The following DGKB variants were observed in gnomAD, a reference collection of about 807,000 sequenced individuals.
DGKB encodes diacylglycerol kinase beta.
Under a neutral mutation model 114.3 loss-of-function variants are expected in DGKB, and 67 were observed. The ratio of observed to expected loss-of-function variants is 0.59; its 90% CI spans 0.48 to 0.72. DGKB has a LOEUF of 0.72. Ranked by LOEUF, DGKB falls within the 30% of genes least tolerant of loss-of-function variation. DGKB has a pLI of 0.00. For missense variants in DGKB, 907 were observed against 975.2 expected, an observed-to-expected ratio of 0.93 and a Z score of 0.93; for synonymous variants, 398 against 323.1, an observed-to-expected ratio of 1.23 and a Z score of -2.49.
chr7:14,902,036 T>C (rs1414645951), intron 1 of DGKB, among the ~76,000 whole-genome samples: 1 of 152,074 alleles, frequency 6.6e-6, no homozygotes, highest in Non-Finnish European at 1.5e-5. Flanking sequence ...TGAAGAGTAT[T>C]TGAATGTTTA....
intron 1 of DGKB, among the ~76,000 whole-genome samples, chr7:14,868,733 G>A (rs1195378430): frequency 1.3e-5 from 2 of 151,964 alleles, no homozygotes; most frequent in African/African-American, 4.8e-5. Flanking sequence ...TTCCTCTTTA[G>A]AAATGGAAGA....
At chr7:14,927,885 T>C (rs751451535) in intron 1 of DGKB, among the ~76,000 whole-genome samples, 2 of 151,894 alleles carry the variant, frequency 1.3e-5, no homozygotes, top group Non-Finnish European at 2.9e-5. Context: ...GATTTTGAGA[T>C]CTCAGTTAAG....
chr7:14,951,026 T>C (rs1358310259), intron 1 of DGKB, among the ~76,000 whole-genome samples: 1 of 151,930 alleles, frequency 6.6e-6, no homozygotes, highest in East Asian at 1.9e-4. Flanking sequence ...GTAAAAACAT[T>C]AGACAAAATT....
intron 20 of DGKB, among the ~76,000 whole-genome samples, chr7:14,489,887 T>C (rs1784367456): frequency 6.6e-6 from 1 of 152,046 alleles, no homozygotes; most frequent in African/African-American, 2.4e-5. Flanking sequence ...AAGCCTGCAA[T>C]TGAGGCTAAG....
rs549499399 is a variant in DGKB, at chr7:14,233,422, C to A, written c.2123-55271G>T. Among the ~76,000 whole-genome samples, 5 of 152,052 alleles carry A rather than the reference C, an allele frequency of 3.3e-5. No homozygotes were observed. The South Asian group carries it at 1.0e-3, about 32-fold the overall frequency. ...TTCATGCCAGTGTCCTTTGTTCTTG[C>A]CTATAAATTGAGTCCCAGAATTTCC... On this transcript the variant is annotated intron_variant, in intron 23 of 25. Transcript: ENST00000402815.
intron 25 of DGKB, among the ~76,000 whole-genome samples, chr7:14,167,493 T>TA (rs202104949): frequency 9.2e-4 from 138 of 149,204 alleles, no homozygotes; most frequent in Middle Eastern, 3.5e-3. Flanking sequence ...GCCCTGGGAG[T>TA]AAAAAAAAAA....
chr7:14,233,922 A>C (rs1792326712), intron 23 of DGKB, among the ~76,000 whole-genome samples: 1 of 151,364 alleles, frequency 6.6e-6, no homozygotes, highest in Admixed American at 6.8e-5. Context: ...CACTTAACTA[A>C]ACAAAGGCCT....
At chr7:14,765,882 A>T (rs185940266) in intron 2 of DGKB, among the ~76,000 whole-genome samples, 18 of 151,982 alleles carry the variant, frequency 1.2e-4, no homozygotes, top group Admixed American at 1.1e-3. Flanking sequence ...ACTCTTTGGG[A>T]TGTGAAGGGT....
At chr7:14,709,637 T>TA (rs894417032) in intron 6 of DGKB, among the ~76,000 whole-genome samples, 1 of 145,286 alleles carries the variant, frequency 6.9e-6, no homozygotes, top group Non-Finnish European at 1.5e-5. Context: ...TATGCAGCCA[T>TA]AAAAAATGAT....
intron 9 of DGKB, among the ~76,000 whole-genome samples, chr7:14,693,550 G>A (rs548675912): frequency 1.3e-5 from 2 of 151,094 alleles, no homozygotes; most frequent in Non-Finnish European, 2.9e-5. Flanking sequence ...GTTTATTTAA[G>A]TTGGTGCAAA....
rs1026680616 is a variant in DGKB at position 14,525,790 on chromosome 7, G to T, written c.1771-47565C>A. On this transcript the variant is annotated intron_variant, in intron 20 of 25. Coordinates refer to ENST00000402815, the MANE Select transcript of DGKB (RefSeq NM_001350709.2). ...TTGGTCTTTTTTATTATTTGTTCGGGTAACTAGAAATTCAAAATATTTTCC... is the reference window on the plus strand; with the variant it reads ...TTGGTCTTTTTTATTATTTGTTCGGTTAACTAGAAATTCAAAATATTTTCC... Among the ~76,000 whole-genome samples the T allele has an allele frequency of 1.3e-5, 2 of 152,174 alleles. 1 individual carries two copies. Among genetic ancestry groups the T allele is most frequent in the East Asian group, 3.9e-4 (2 of 5,172 alleles).
chr7:14,229,242 A>G (rs1210464282), intron 23 of DGKB, among the ~76,000 whole-genome samples: 2 of 151,996 alleles, frequency 1.3e-5, no homozygotes, highest in South Asian at 2.1e-4. Flanking sequence ...ACAGTAATGC[A>G]TTGCTCAACA....
intron 21 of DGKB, among the ~76,000 whole-genome samples, chr7:14,424,219 T>C (rs1827161161): frequency 6.6e-6 from 1 of 152,074 alleles, no homozygotes; most frequent in African/African-American, 2.4e-5. Context: ...CTGCTCTTTT[T>C]CTGTCCTCAT....
At chr7:14,902,000 G>A (rs988583408) in intron 1 of DGKB, among the ~76,000 whole-genome samples, 3 of 152,124 alleles carry the variant, frequency 2.0e-5, no homozygotes, top group African/African-American at 7.2e-5. Context: ...GGAAGAAACT[G>A]AGGGGACCCT....
At chr7:14,799,202 C>A (rs1201925641) in intron 2 of DGKB, among the ~76,000 whole-genome samples, 1 of 152,186 alleles carries the variant, frequency 6.6e-6, no homozygotes. Flanking sequence ...AGCTGTTAAT[C>A]TGACAAAGGC....
At chr7:14,368,231 C>T (rs1817026853) in intron 21 of DGKB, among the ~76,000 whole-genome samples, 1 of 151,816 alleles carries the variant, frequency 6.6e-6, no homozygotes, top group African/African-American at 2.4e-5. Flanking sequence ...ATAATTATCA[C>T]CCCAAATCCA....
intron 21 of DGKB, among the ~76,000 whole-genome samples, chr7:14,367,087 G>A (rs990803501): frequency 6.6e-6 from 1 of 152,026 alleles, no homozygotes; most frequent in Non-Finnish European, 1.5e-5. Flanking sequence ...ACTCTCTTGC[G>A]ATGCCAGGCA....
rs550318562 is a variant in DGKB at position 14,710,627 on chromosome 7, G to T, written c.466+7915C>A. The stretch of plus-strand genomic sequence containing the variant: ...CTCTTAAATATAAAGTTTGATGGGT[G>T]TTTCTTATATATACACATTATTAGA... On this transcript the variant is annotated intron_variant, in intron 6 of 25. Coordinates refer to ENST00000402815, the MANE Select transcript of DGKB (RefSeq NM_001350709.2). Among the ~76,000 whole-genome samples, 51 of 152,102 alleles carry T rather than the reference G, an allele frequency of 3.4e-4. No individual in the cohort carries two copies. In the East Asian group the frequency reaches 5.6e-3, roughly 17 times the overall value.
At chr7:14,249,777 C>G (rs1366648282) in intron 23 of DGKB, among the ~76,000 whole-genome samples, 1 of 151,690 alleles carries the variant, frequency 6.6e-6, no homozygotes, top group African/African-American at 2.4e-5. Flanking sequence ...TCCAAAACAC[C>G]AACTCATAAT....
Sources: gnomAD v4.1 joint callset for allele counts (sites outside exome capture counted in the v4.1 genomes callset) on GRCh38, gnomAD v4.1.1 for gene constraint, MANE v1.5 for transcripts, NCBI Gene and HGNC (gene_info 2026-07-23, HGNC 2026-07-21) for gene names.